TBC1D1: variants seen among roughly 807,000 people sequenced by gnomAD.
The protein encoded by TBC1D1 is TBC1 domain family member 1, also known as TBC1 (tre-2/USP6, BUB2, cdc16) domain family, member 1.
A neutral mutation model predicts 125.6 loss-of-function variants in TBC1D1; 89 were observed. The observed-to-expected ratio is 0.71, with a 90% CI of 0.60 to 0.85. The LOEUF is 0.85. Among genes scored for constraint, TBC1D1 ranks in the 40% least tolerant of loss-of-function variants. The probability of loss-of-function intolerance (pLI) is 0.00; values close to 1 mark genes in which losing one functional copy is unlikely to be tolerated. For missense variants in TBC1D1, 1,377 were observed against 1,469.2 expected (o/e 0.94, Z 1.03); for synonymous variants, 565 against 564.1 (o/e 1.00, Z -0.02).
chr4:38,110,503 A>G (rs938313685), intron 15 of TBC1D1: 2 of 985,462 alleles, frequency 2.0e-6, no homozygotes. Context: ...CACTTCATGA[A>G]GAGGAATTAC....
At chr4:38,021,015 G>C (rs1282577462) in intron 5 of TBC1D1, among the ~76,000 whole-genome samples, 1 of 152,106 alleles carries the variant, frequency 6.6e-6, no homozygotes, top group Non-Finnish European at 1.5e-5. Flanking sequence ...TACTGTATCA[G>C]TCTGTTCTCA....
At chr4:38,036,123 T>C (rs1418849437) in intron 8 of TBC1D1, among the ~76,000 whole-genome samples, 4 of 152,242 alleles carry the variant, frequency 2.6e-5, no homozygotes, top group East Asian at 1.9e-4. Context: ...ACAAATCAGA[T>C]ACAATGTTGG....
chr4:38,018,059 G>A (rs1035439332), intron 3 of TBC1D1, among the ~76,000 whole-genome samples: 5 of 152,196 alleles, frequency 3.3e-5, no homozygotes, highest in African/African-American at 9.7e-5. Context: ...TTTCTGGAAG[G>A]TTCACTTATG....
intron 12 of TBC1D1, chr4:38,055,142 G>A (rs1343625565): frequency 2.0e-5 from 3 of 152,110 alleles, no homozygotes; most frequent in South Asian, 2.1e-4. Flanking sequence ...CCCTTCCTTG[G>A]TGCCCGCTGT....
chr4:37,974,528 C>T (rs945679700), intron 2 of TBC1D1, among the ~76,000 whole-genome samples: 2 of 151,462 alleles, frequency 1.3e-5, no homozygotes, highest in African/African-American at 2.4e-5. Context: ...CATGAGCCAC[C>T]ATGCATGGCC....
chr4:37,950,818 G>A (rs553706838), intron 2 of TBC1D1, among the ~76,000 whole-genome samples: 40 of 151,328 alleles, frequency 2.6e-4, no homozygotes, highest in African/African-American at 9.7e-4. Context: ...GAGTGCAGTG[G>A]TGTGATCTCG....
At chr4:37,936,331 G>A (rs925714741) in intron 2 of TBC1D1, among the ~76,000 whole-genome samples, 47 of 152,112 alleles carry the variant, frequency 3.1e-4, no homozygotes, top group Admixed American at 3.1e-3. Context: ...CCTCTCTGTC[G>A]AAATATCCTA....
At chr4:38,061,360 C>G (rs79144605) in intron 12 of TBC1D1, among the ~76,000 whole-genome samples, 1,557 of 152,252 alleles carry the variant, frequency 0.01, 25 homozygotes, top group African/African-American at 0.036. Context: ...AATTTTCTCT[C>G]TGGGTGTATT....
chr4:37,958,194 AAAGTATG>A lies in TBC1D1; in HGVS notation c.417+55683_417+55689del, dbSNP rs1186812433. On this transcript the variant is annotated intron_variant, in intron 2 of 19. Transcript: ENST00000261439. The stretch of plus-strand genomic sequence containing the variant: ...TTCAGATTTGAAGTTGTCTAGGAAA[AAAGTATG>A]CTTCATATTAAGAAAGAGTCTGTAA... Among the ~76,000 whole-genome samples the A allele has an allele frequency of 9.2e-3, 1,394 of 152,284 alleles. 18 individuals are homozygous for A. The highest frequency in any genetic ancestry group is 0.031 in the African/African-American group (1,298 of 41,546).
At chr4:38,064,436 C>G (rs930678195) in intron 12 of TBC1D1, among the ~76,000 whole-genome samples, 6 of 152,258 alleles carry the variant, frequency 3.9e-5, no homozygotes, top group African/African-American at 1.4e-4. Context: ...CTAGGCTTTC[C>G]TGCAGGCTGC....
rs143959670 is a variant in TBC1D1, at chr4:37,899,890, G to A, written c.-93-2113G>A. On this transcript the variant is annotated intron_variant, in intron 1 of 19. Coordinates refer to ENST00000261439, the MANE Select transcript of TBC1D1 (RefSeq NM_015173.4). ...AATCCCAGCACTTTGGGAGGCCGAG[G>A]CGGGCGGAACACGAGGTCAGGAGAT... Among the ~76,000 whole-genome samples the A allele has an allele frequency of 7.9e-3, 1,196 of 152,078 alleles. 20 individuals carry two copies. Among genetic ancestry groups the A allele is most frequent in the African/African-American group, 0.027 (1,124 of 41,490 alleles).
At chr4:37,930,317 G>T (rs1723006904) in intron 2 of TBC1D1, among the ~76,000 whole-genome samples, 1 of 152,018 alleles carries the variant, frequency 6.6e-6, no homozygotes, top group Non-Finnish European at 1.5e-5. Flanking sequence ...TATTGTTTAG[G>T]ATTGCATGCT....
intron 2 of TBC1D1, among the ~76,000 whole-genome samples, chr4:37,968,088 G>A (rs937356270): frequency 1.3e-5 from 2 of 152,218 alleles, no homozygotes; most frequent in Non-Finnish European, 2.9e-5. Flanking sequence ...GAGAACAGAT[G>A]TTTAAATAGC....
chr4:37,963,784 TCC>T (rs1730523507), intron 2 of TBC1D1, among the ~76,000 whole-genome samples: 2 of 152,208 alleles, frequency 1.3e-5, no homozygotes, highest in Non-Finnish European at 2.9e-5. Context: ...ATTTTTAAGA[TCC>T]TAAGAAACAA....
chr4:38,039,306 A>G (rs73132565), intron 8 of TBC1D1, among the ~76,000 whole-genome samples: 13,829 of 150,800 alleles, frequency 0.092, 1,483 homozygotes, highest in African/African-American at 0.26. Context: ...TTTAGTAGAG[A>G]CGGGGTTTCA....
At position 38,013,017 on chromosome 4, in the gene TBC1D1, C is replaced by A. The variant is rs200214537; in HGVS notation, c.418-1492C>A. On this transcript the variant is annotated intron_variant, in intron 2 of 19. Transcript: ENST00000261439. The stretch of plus-strand genomic sequence containing the variant: ...ACTATGTTGGCCAGGCTGGTCTCAA[C>A]CTCCTGACCTCCTGATCTGCCCTCC... 2.4e-4 allele frequency among the ~76,000 whole-genome samples: 36 copies of A among 151,978 alleles called. No homozygotes were observed. The East Asian group carries it at 3.5e-3, about 15-fold the overall frequency.
At chr4:38,094,852 T>C (rs1468763975) in intron 13 of TBC1D1, among the ~76,000 whole-genome samples, 1 of 149,938 alleles carries the variant, frequency 6.7e-6, no homozygotes, top group African/African-American at 2.5e-5. Flanking sequence ...TAGTGACATT[T>C]ATTGTGTTTT....
intron 2 of TBC1D1, among the ~76,000 whole-genome samples, chr4:37,920,460 AGAAT>A (rs1251002826): frequency 6.6e-6 from 1 of 152,138 alleles, no homozygotes; most frequent in Non-Finnish European, 1.5e-5. Context: ...AAGAGGAGGG[AGAAT>A]GAATGAGTAG....
chr4:37,926,329 G>A (rs984594912), intron 2 of TBC1D1, among the ~76,000 whole-genome samples: 95 of 152,284 alleles, frequency 6.2e-4, no homozygotes, highest in African/African-American at 2.0e-3. Flanking sequence ...ATGCCTTAGC[G>A]TTGCTCTATA....
Sources: gnomAD v4.1 joint callset for allele counts (sites outside exome capture counted in the v4.1 genomes callset) on GRCh38, gnomAD v4.1.1 for gene constraint, MANE v1.5 for transcripts, NCBI Gene and HGNC (gene_info 2026-07-23, HGNC 2026-07-21) for gene names.